The following TMEM87B variants were observed in gnomAD, a reference collection of about 807,000 sequenced individuals.
TMEM87B encodes the protein transmembrane protein 87B.
A neutral mutation model predicts 80.3 loss-of-function variants in TMEM87B; 83 were observed. The observed-to-expected ratio is 1.03, with a 90% CI of 0.87 to 1.24. The LOEUF is 1.24. Among genes scored for constraint, TMEM87B ranks in the 50% most tolerant of loss-of-function variants. The pLI is 0.00. For synonymous variants in TMEM87B, 219 were observed against 230.5 expected (o/e 0.95, Z 0.45); for missense variants, 625 against 674.4 (o/e 0.93, Z 0.81).
Position 112,055,468 on chromosome 2 carries a change from C to T in TMEM87B, c.-124C>T, listed in dbSNP as rs985108065. ...TCTCCGCCCAGGCCCAAGCGCGAGCCCCTCCTCCACACCCGAGTCCGAGCC... is the reference window on the plus strand; with the variant it reads ...TCTCCGCCCAGGCCCAAGCGCGAGCTCCTCCTCCACACCCGAGTCCGAGCC... On this transcript the variant is annotated 5_prime_UTR_variant, in exon 1 of 19. Coordinates refer to ENST00000283206, the MANE Select transcript of TMEM87B (RefSeq NM_032824.3). 1 of 1,166,114 alleles carries T rather than the reference C, an allele frequency of 8.6e-7. No individual in the cohort carries two copies. Among genetic ancestry groups the T allele is most frequent in the Non-Finnish European group, 1.1e-6 (1 of 879,918 alleles). The allele number at this position is 1,166,114 out of a possible 1,614,324, so 72.2% of individuals were successfully genotyped here.
At chr2:112,106,411 C>T (rs2104504000) in intron 16 of TMEM87B, among the ~76,000 whole-genome samples, 1 of 152,270 alleles carries the variant, frequency 6.6e-6, no homozygotes, top group South Asian at 2.1e-4. Flanking sequence ...ATAGCCTGTT[C>T]ATCTGCACAT....
chr2:112,084,298 G>A (rs1421499508), intron 8 of TMEM87B, among the ~76,000 whole-genome samples: 1 of 152,122 alleles, frequency 6.6e-6, no homozygotes, highest in Non-Finnish European at 1.5e-5. Context: ...CACTCTTTCG[G>A]AGAGCTCATC....
At chr2:112,104,150 A>G (rs1343896894) in intron 15 of TMEM87B, among the ~76,000 whole-genome samples, 1 of 152,244 alleles carries the variant, frequency 6.6e-6, no homozygotes, top group Non-Finnish European at 1.5e-5. Context: ...AGAAAAAAGG[A>G]AAATATTTTA....
At chr2:112,106,549 C>T (rs146737915) in intron 16 of TMEM87B, among the ~76,000 whole-genome samples, 46 of 150,830 alleles carry the variant, frequency 3.0e-4, no homozygotes, top group Non-Finnish European at 5.5e-4. Context: ...GTTACCTACA[C>T]GGTTACCAAA....
At chr2:112,096,165 C>T (rs901011402) in intron 11 of TMEM87B, among the ~76,000 whole-genome samples, 5 of 152,160 alleles carry the variant, frequency 3.3e-5, no homozygotes, top group African/African-American at 9.7e-5. Flanking sequence ...CCTTGCATCA[C>T]GAATAATTAG....
chr2:112,103,429 C>T (rs376311192), intron 15 of TMEM87B, among the ~76,000 whole-genome samples: 1 of 151,918 alleles, frequency 6.6e-6, no homozygotes, highest in Non-Finnish European at 1.5e-5. Context: ...AAAAAAAATA[C>T]AGTGGTTAAG....
intron 5 of TMEM87B, 35 bp downstream of exon 5, chr2:112,074,997 C>T: frequency 6.4e-7 from 1 of 1,569,836 alleles, no homozygotes; most frequent in Non-Finnish European, 8.7e-7. Flanking sequence ...ATCAAATATA[C>T]ACAAGTTAAC....
At position 112,055,557 on chromosome 2, in the gene TMEM87B, C is replaced by T. The variant is rs970218043; in HGVS notation, c.-35C>T. On this transcript the variant is annotated 5_prime_UTR_variant, in exon 1 of 19. Transcript: ENST00000283206. ...CTGCACCAGGTGCGGGTGTGGCAGG[C>T]GTCTCGGAGCGCCAGGTGCAGCTTC... 3 of 1,463,800 alleles carry T rather than the reference C, an allele frequency of 2.0e-6. No individual in the cohort carries two copies. Among genetic ancestry groups the T allele is most frequent in the Non-Finnish European group, 2.7e-6 (3 of 1,111,616 alleles). 90.7% of individuals were successfully genotyped at this position (1,463,800 alleles called of 1,614,324 possible).
Position 112,097,152 on chromosome 2 carries a change from G to T in TMEM87B, c.1213G>T (p.Ala405Ser). The change falls in exon 12 of 19, where the codon GCT becomes TCT. Residue 405 changes from alanine (A) to serine (S), a missense_variant and splice_region_variant. Coordinates refer to ENST00000283206, the MANE Select transcript of TMEM87B (RefSeq NM_032824.3). ...FKNTLIFAVL[A>S]SIVFMGWTTK... ...AAATACTCTGATCTTTGCTGTGCTG[G>T]GTAAGCTATTTAATTTTTCTTACAG... The T allele has an allele frequency of 1.3e-6, 2 of 1,595,152 alleles. No individual in the cohort carries two copies. Among genetic ancestry groups the T allele is most frequent in the Non-Finnish European group, 1.7e-6 (2 of 1,173,360 alleles).
chr2:112,086,100 G>T lies in TMEM87B; in HGVS notation c.934G>T (p.Val312Leu). 1 of 1,613,898 alleles carries T rather than the reference G, an allele frequency of 6.2e-7. No individual in the cohort carries two copies. The highest frequency in any genetic ancestry group is 8.5e-7 in the Non-Finnish European group (1 of 1,179,802). ...CATTGTGAGCCTGGGCTATGGCATT[G>T]TGAAGTAAGTACTGGCGTGTGGGAA... ...VIIVSLGYGI[V>L]KPRLGTVMHR... Residue 312 changes from valine to leucine, a missense_variant, in exon 9 of 19, where the codon GTG (valine) becomes TTG (leucine). By Grantham distance (32) the Val-to-Leu change is conservative. Transcript: ENST00000283206.
intron 12 of TMEM87B, 30 bp from the exon 13 acceptor site, chr2:112,097,203 C>A: frequency 6.2e-7 from 1 of 1,603,656 alleles, no homozygotes; most frequent in Admixed American, 1.7e-5. Context: ...TTGTTATATT[C>A]CTTCAAAGGT....
intron 17 of TMEM87B, among the ~76,000 whole-genome samples, chr2:112,111,955 A>G (rs117763341): frequency 8.5e-5 from 13 of 152,336 alleles, no homozygotes; most frequent in East Asian, 3.9e-4. Flanking sequence ...CAAGGTGCCA[A>G]GCGTGTAGCA....
chr2:112,078,999 TA>T (rs1678908343), intron 6 of TMEM87B, among the ~76,000 whole-genome samples: 1 of 152,198 alleles, frequency 6.6e-6, no homozygotes, highest in African/African-American at 2.4e-5. Flanking sequence ...AATTGACAAT[TA>T]CATATGACAT....
At chr2:112,099,913 C>T (rs1206455898) in intron 14 of TMEM87B, among the ~76,000 whole-genome samples, 1 of 143,148 alleles carries the variant, frequency 7.0e-6, no homozygotes. Context: ...ACAAAAAAAA[C>T]AACTATCTTT....
At chr2:112,107,156 G>A (rs760903775) in intron 16 of TMEM87B, among the ~76,000 whole-genome samples, 14 of 152,164 alleles carry the variant, frequency 9.2e-5, no homozygotes, top group South Asian at 4.1e-4. Flanking sequence ...TCAGGAGTTC[G>A]AGACCAGCCT....
chr2:112,074,803 G>A (rs527573154), intron 4 of TMEM87B, 109 bp from the exon 5 acceptor site: 102 of 1,286,440 alleles, frequency 7.9e-5, no homozygotes, highest in Non-Finnish European at 9.6e-5. Context: ...TTGATGTTTA[G>A]CTTTTTAATT....
chr2:112,090,314 A>C (rs1325036032), intron 10 of TMEM87B, among the ~76,000 whole-genome samples: 1 of 151,828 alleles, frequency 6.6e-6, no homozygotes, highest in Non-Finnish European at 1.5e-5. Flanking sequence ...AGACCCCTAG[A>C]TTTCTAGCTT....
intron 15 of TMEM87B, 171 bp from the exon 16 acceptor site, chr2:112,105,831 A>T (rs761112073): frequency 2.2e-6 from 1 of 446,334 alleles, no homozygotes; most frequent in Non-Finnish European, 3.8e-6. Flanking sequence ...AACTTTTTTC[A>T]TATATTTTTC....
At position 112,083,195 on chromosome 2, in the gene TMEM87B, A is replaced by G. The variant is rs111837724; in HGVS notation, c.838+1677A>G. Among the ~76,000 whole-genome samples the G allele has an allele frequency of 1.3e-3, 191 of 152,332 alleles. 1 individual carries two copies. Among genetic ancestry groups the G allele is most frequent in the African/African-American group, 4.3e-3 (178 of 41,574 alleles). On this transcript the variant is annotated intron_variant, in intron 8 of 18. Coordinates refer to ENST00000283206, the MANE Select transcript of TMEM87B (RefSeq NM_032824.3). ...TTTTTTGTTTTGGGATGCTAGATTG[A>G]CAGGAAGATGTAGTAAACTTAGTAT... is the stretch of plus-strand genomic sequence containing the variant.
Sources: gnomAD v4.1 joint callset for allele counts (sites outside exome capture counted in the v4.1 genomes callset) on GRCh38, gnomAD v4.1.1 for gene constraint, MANE v1.5 for transcripts, NCBI Gene and HGNC (gene_info 2026-07-23, HGNC 2026-07-21) for gene names.